Variants in FANCI observed in about 807,000 individuals in gnomAD.
The protein encoded by FANCI is Fanconi anemia group I protein.
A neutral mutation model predicts 176.1 loss-of-function variants in FANCI; 156 were observed. That is an observed-to-expected ratio of 0.89 (90% CI 0.78 to 1.01). FANCI has a LOEUF of 1.01. FANCI is among the 50% of genes least tolerant of loss of function. The pLI is 0.00. For missense variants in FANCI, 1,678 were observed against 1,534.1 expected (o/e 1.09, Z -1.57); for synonymous variants, 613 against 541.7 (o/e 1.13, Z -1.83).
In FANCI at chr15:89,307,554, G is replaced by C. The variant is rs776983524; in HGVS notation, c.3591+25G>C. On this transcript the variant is annotated intron_variant, in intron 33 of 37. Transcript: ENST00000310775. ...GGTGAGTTGAGAATGCCTTTCCTAG[G>C]AATGGGGGAAGCACTTTTACTGCTG... The C allele has an allele frequency of 3.1e-6, 5 of 1,614,178 alleles. No individual in the cohort carries two copies. The South Asian group carries it at 5.5e-5, about 18-fold the overall frequency.
chr15:89,305,041 G>C, intron 28 of FANCI, 74 bp from the exon 29 acceptor site: 1 of 1,582,264 alleles, frequency 6.3e-7, no homozygotes, highest in Non-Finnish European at 8.6e-7. Context: ...CTCCCAAAGT[G>C]CTGGGATTAC....
intron 13 of FANCI, 94 bp downstream of exon 13, chr15:89,276,985 T>A: frequency 1.6e-6 from 2 of 1,271,150 alleles, no homozygotes; most frequent in Non-Finnish European, 2.3e-6. Context: ...ACAAGGAAAT[T>A]TGAGTATGTA....
intron 13 of FANCI, among the ~76,000 whole-genome samples, chr15:89,277,809 T>C (rs570712700): frequency 1.3e-5 from 2 of 152,318 alleles, no homozygotes; most frequent in South Asian, 4.1e-4. Flanking sequence ...TAAACAACTT[T>C]TCTAGTAATT....
rs774032084 is a variant in FANCI at position 89,268,543 on chromosome 15, AG to A, written c.882+20del. On this transcript the variant is annotated intron_variant, in intron 10 of 37. Transcript: ENST00000310775. ...ACTTAAAGGTAGCATCAAACTTGTA[AG>A]GTGATCTGGGTCTCTTTTGAATGAA... The A allele has an allele frequency of 1.9e-6, 3 of 1,613,940 alleles. No homozygotes were observed. The South Asian group carries it at 3.3e-5, about 18-fold the overall frequency.
intron 24 of FANCI, among the ~76,000 whole-genome samples, chr15:89,297,428 G>A (rs1436156797): frequency 6.6e-6 from 1 of 152,074 alleles, no homozygotes; most frequent in Non-Finnish European, 1.5e-5. Flanking sequence ...GGTGGAGGTT[G>A]TAGCGAGCCG....
intron 2 of FANCI, among the ~76,000 whole-genome samples, chr15:89,254,575 C>T (rs944981639): frequency 3.3e-5 from 5 of 151,922 alleles, no homozygotes; most frequent in African/African-American, 9.7e-5. Flanking sequence ...AGTTCGAGGA[C>T]GGAGGATCAC....
rs146825176 is a variant in FANCI at position 89,286,514 on chromosome 15, C to G, written c.1821+1296C>G. Reference sequence around the variant, plus strand: ...CATTTCCATCAGAGCTCTTAGATGCCTAGGTGCACTATCAATGAGCAGTAA... The same window carrying G: ...CATTTCCATCAGAGCTCTTAGATGCGTAGGTGCACTATCAATGAGCAGTAA... On this transcript the variant is annotated intron_variant, in intron 18 of 37. Transcript: ENST00000310775. 7.2e-5 allele frequency among the ~76,000 whole-genome samples: 11 copies of G among 152,268 alleles called. No homozygotes were observed. The East Asian group carries it at 1.7e-3, about 24-fold the overall frequency.
At chr15:89,277,041 A>G in intron 13 of FANCI, 150 bp downstream of exon 13, 1 of 793,870 alleles carries the variant, frequency 1.3e-6, no homozygotes, top group East Asian at 2.6e-5. Context: ...TAATATTGAA[A>G]CATTATAGAT....
At chr15:89,249,017 A>T (rs188269351) in intron 2 of FANCI, among the ~76,000 whole-genome samples, 2 of 152,204 alleles carry the variant, frequency 1.3e-5, no homozygotes, top group African/African-American at 4.8e-5. Flanking sequence ...TCTAAAAACA[A>T]CTACCAAAAC....
intron 24 of FANCI, among the ~76,000 whole-genome samples, chr15:89,297,931 G>A (rs2054371297): frequency 6.6e-6 from 1 of 151,990 alleles, no homozygotes; most frequent in Admixed American, 6.6e-5. Context: ...CATATAAAAT[G>A]TTATGCTATT....
At chr15:89,247,594 A>G in intron 1 of FANCI, 35 bp from the exon 2 acceptor site, 1 of 1,437,096 alleles carries the variant, frequency 7.0e-7, no homozygotes, top group East Asian at 2.3e-5. Context: ...TTATTTCTGG[A>G]ATCTTCACCC....
Position 89,274,288 on chromosome 15 carries a change from G to T in FANCI, c.1096G>T (p.Glu366Ter). Residue 366 changes from glutamate (E) to a stop codon, truncating the protein, a stop_gained, in exon 12 of 38, where the codon GAA becomes TAA. Coordinates refer to ENST00000310775, the MANE Select transcript of FANCI (RefSeq NM_001113378.2). LOFTEE classifies it high-confidence loss of function. Reference protein sequence around the residue: ...HRSYVSTMILEVVKNSVHSWD... With the variant: ...HRSYVSTMIL ...ATCTTATGTTTCAACCATGATCTTG[G>T]AAGTAGTGAAGAATAGGTAAGTTGG... 6.2e-7 allele frequency: 1 copy of T among 1,613,634 alleles called. No individual in the cohort carries two copies. Among genetic ancestry groups the T allele is most frequent in the Non-Finnish European group, 8.5e-7 (1 of 1,179,840 alleles).
intron 2 of FANCI, among the ~76,000 whole-genome samples, chr15:89,250,829 A>C (rs2052215326): frequency 1.3e-5 from 2 of 151,694 alleles, no homozygotes; most frequent in African/African-American, 4.8e-5. Context: ...AAATCCATGG[A>C]ATAATGTTAA....
Position 89,299,815 on chromosome 15 carries a change from A to C in FANCI, c.2652A>C (p.Arg884Ser), listed in dbSNP as rs749604758. 5.0e-6 allele frequency: 8 copies of C among 1,613,746 alleles called. No individual in the cohort carries two copies. In the East Asian group the frequency reaches 1.6e-4, roughly 31 times the overall value. ...CCTGCTTCAGAGTCTTGCTATGGAG[A>C]TACACTTCAATTCCTACTTCAGTGG... Reference protein sequence around the residue: ...LCDITRVLLWRYTSIPTSVEE... With the variant: ...LCDITRVLLWSYTSIPTSVEE... Residue 884 changes from arginine (R) to serine (S), a missense_variant, in exon 25 of 38, where the codon AGA (arginine) becomes AGC (serine). Around this residue, in one of 3 missense-constraint regions of FANCI, gnomAD observed 1,204 missense variants for 1,077.4 expected, o/e 1.12. Coordinates refer to ENST00000310775, the MANE Select transcript of FANCI (RefSeq NM_001113378.2).
At chr15:89,298,487 T>C (rs2054398227) in intron 24 of FANCI, among the ~76,000 whole-genome samples, 1 of 152,190 alleles carries the variant, frequency 6.6e-6, no homozygotes, top group African/African-American at 2.4e-5. Context: ...CAAAGTGCTA[T>C]TGAGGAAATT....
chr15:89,316,663 C>CAAA lies in FANCI; in HGVS notation c.*207_*209dup. On this transcript the variant is annotated 3_prime_UTR_variant, in exon 38 of 38. Transcript: ENST00000310775. Reference sequence around the variant, plus strand: ...GGCTGGCCTTAGGCAAGCCCTTTTGCAAAAAGCACAGCTGAAAGCCTGAGT... The same window carrying CAAA: ...GGCTGGCCTTAGGCAAGCCCTTTTGCAAAAAAAAGCACAGCTGAAAGCCTGAGT... The CAAA allele has an allele frequency of 2.3e-6, 3 of 1,279,734 alleles. No homozygotes were observed. Among genetic ancestry groups the CAAA allele is most frequent in the Non-Finnish European group, 3.4e-6 (3 of 879,712 alleles). The allele number at this position is 1,279,734 out of a possible 1,614,324, so 79.3% of individuals were successfully genotyped here. A position where few individuals can be genotyped will look rare whatever the true frequency, so the allele number is the denominator to read the frequency against.
chr15:89,316,991 T>C lies in FANCI; in HGVS notation c.*532T>C, dbSNP rs751149954. 5 of 658,776 alleles carry C rather than the reference T, an allele frequency of 7.6e-6. No individual in the cohort carries two copies. The South Asian group carries it at 8.4e-5, about 11-fold the overall frequency. The allele number at this position is 658,776 out of a possible 1,614,324, so 40.8% of individuals were successfully genotyped here. A position where few individuals can be genotyped will look rare whatever the true frequency, so the allele number is the denominator to read the frequency against. ...ATGTTAGGAGGGTCTGTTTTCTTTT[T>C]ATATAAGTGTGTCTTAGATATATTT... On this transcript the variant is annotated 3_prime_UTR_variant, in exon 38 of 38. Coordinates refer to ENST00000310775, the MANE Select transcript of FANCI (RefSeq NM_001113378.2).
intron 26 of FANCI, 22 bp downstream of exon 26, chr15:89,300,407 C>G: frequency 6.2e-7 from 1 of 1,603,196 alleles, no homozygotes; most frequent in Non-Finnish European, 8.5e-7. Flanking sequence ...TGCAAAGCTG[C>G]TGTACTGGCC....
At chr15:89,298,299 C>G (rs1463902970) in intron 24 of FANCI, among the ~76,000 whole-genome samples, 2 of 152,134 alleles carry the variant, frequency 1.3e-5, no homozygotes, top group East Asian at 1.9e-4. Flanking sequence ...TAGAAATTCT[C>G]TGACCAAACA....
Sources: allele counts gnomAD v4.1 joint callset (sites outside exome capture counted in the v4.1 genomes callset), GRCh38; gene constraint gnomAD v4.1.1; regional missense constraint gnomAD v4.1.1; transcripts MANE v1.5; gene names NCBI Gene and HGNC (gene_info 2026-07-23, HGNC 2026-07-21).